Variants in WASHC4 observed in about 807,000 individuals in gnomAD.
WASHC4 encodes WASH complex subunit 4, also known as WASH complex subunit 7.
Under a neutral mutation model 166.6 loss-of-function variants are expected in WASHC4, and 86 were observed. The ratio of observed to expected loss-of-function variants is 0.52; its 90% confidence interval spans 0.43 to 0.62. WASHC4 has a LOEUF of 0.62. Among genes scored for constraint, WASHC4 ranks in the 20% least tolerant of loss-of-function variants. The pLI, the probability that WASHC4 is intolerant of heterozygous loss-of-function variation, is 0.00. For synonymous variants in WASHC4, 446 were observed against 451.6 expected (o/e 0.99, Z 0.16); for missense variants, 1,262 against 1,382.4 (o/e 0.91, Z 1.38).
chr12:105,138,545 T>C (rs1196577260), intron 15 of WASHC4, among the ~76,000 whole-genome samples: 1 of 152,142 alleles, frequency 6.6e-6, no homozygotes, highest in East Asian at 1.9e-4. Flanking sequence ...TATGCAAGTA[T>C]GGTAACGTGT....
intron 30 of WASHC4, among the ~76,000 whole-genome samples, chr12:105,163,875 T>C (rs1884649820): frequency 1.4e-5 from 2 of 146,746 alleles, no homozygotes; most frequent in South Asian, 4.3e-4. Context: ...TTATTTATTT[T>C]CTTCTTAATT....
At chr12:105,125,075 C>T (rs971708641) in intron 10 of WASHC4, among the ~76,000 whole-genome samples, 5 of 152,138 alleles carry the variant, frequency 3.3e-5, no homozygotes, top group Admixed American at 6.5e-5. Context: ...AGGTTCCACT[C>T]GAAATTGCAT....
At position 105,118,838 on chromosome 12, in the gene WASHC4, A is replaced by G. The variant is rs574268557; in HGVS notation, c.518+310A>G. 2.6e-5 allele frequency among the ~76,000 whole-genome samples: 4 copies of G among 152,192 alleles called. No homozygotes were observed. The South Asian group carries it at 8.3e-4, about 32-fold the overall frequency. ...CTCTCTCTTTATTCCTTTCCTCTAC[A>G]CGAATGGTTGCCTGACTCTAATGGA... On this transcript the variant is annotated intron_variant, in intron 7 of 32. Coordinates refer to ENST00000332180, the MANE Select transcript of WASHC4 (RefSeq NM_015275.3).
chr12:105,150,640 C>T (rs991849147), intron 25 of WASHC4, among the ~76,000 whole-genome samples: 4 of 152,144 alleles, frequency 2.6e-5, no homozygotes, highest in African/African-American at 4.8e-5. Flanking sequence ...CAAAATTAGC[C>T]GGGCATGGTG....
In WASHC4 at chr12:105,112,036, A is replaced by G. The variant is rs536036770; in HGVS notation, c.201+772A>G. On this transcript the variant is annotated intron_variant, in intron 2 of 32. Transcript: ENST00000332180. The stretch of plus-strand genomic sequence containing the variant: ...CAAAAAAGAAACCATGTACCGTGTG[A>G]TAATCAACCCCCAGTTCATGCCATG... Among the ~76,000 whole-genome samples, 4 of 152,312 alleles carry G rather than the reference A, an allele frequency of 2.6e-5. No individual in the cohort carries two copies. In the East Asian group the frequency reaches 5.8e-4, roughly 22 times the overall value.
rs779489861 is a variant in WASHC4 at position 105,152,332 on chromosome 12, T to G, written c.2650-11T>G. On this transcript the variant is annotated splice_polypyrimidine_tract_variant and intron_variant, in intron 25 of 32. Transcript: ENST00000332180. ...TCTTTATTAAAAGTAGCCTTAAAATTTTCTGTCTAGTATCCTTTTGATAGA... is the reference window on the plus strand; with the variant it reads ...TCTTTATTAAAAGTAGCCTTAAAATGTTCTGTCTAGTATCCTTTTGATAGA... 1.1e-5 allele frequency: 16 copies of G among 1,407,444 alleles called. No homozygotes were observed. Among genetic ancestry groups the G allele is most frequent in the Non-Finnish European group, 1.5e-5 (15 of 992,660 alleles). The allele number at this position is 1,407,444 out of a possible 1,614,324, so 87.2% of individuals were successfully genotyped here. A position where few individuals can be genotyped will look rare whatever the true frequency, so the allele number is the denominator to read the frequency against.
rs1882078259 is a variant in WASHC4 at position 105,133,867 on chromosome 12, C to CT, written c.1298dup (p.Thr434HisfsTer3). 2 of 1,611,874 alleles carry CT rather than the reference C, an allele frequency of 1.2e-6. No individual in the cohort carries two copies. Among genetic ancestry groups the CT allele is most frequent in the Non-Finnish European group, 1.7e-6 (2 of 1,178,554 alleles). On this transcript the variant is annotated frameshift_variant, in exon 14 of 33. Coordinates refer to ENST00000332180, the MANE Select transcript of WASHC4 (RefSeq NM_015275.3). LOFTEE classifies it high-confidence loss of function. ...GAGAATGGATAAATTTGCTGAAGATCTCACCAATAGATGTAATGTTTTTAT... is the reference window on the plus strand; with the variant it reads ...GAGAATGGATAAATTTGCTGAAGATCTTCACCAATAGATGTAATGTTTTTAT...
chr12:105,110,599 CATT>C (rs1312551539), intron 1 of WASHC4, among the ~76,000 whole-genome samples: 1 of 152,114 alleles, frequency 6.6e-6, no homozygotes, highest in African/African-American at 2.4e-5. Flanking sequence ...AAATTTTAGA[CATT>C]ATAGAAATAA....
chr12:105,164,795 G>A (rs1884711539), intron 32 of WASHC4, 55 bp downstream of exon 32: 1 of 1,156,690 alleles, frequency 8.6e-7, no homozygotes, highest in Non-Finnish European at 1.3e-6. Flanking sequence ...GTAATAGACA[G>A]TAATGCACCA....
chr12:105,133,635 T>C, intron 13 of WASHC4, 135 bp from the exon 14 acceptor site: 1 of 695,272 alleles, frequency 1.4e-6, no homozygotes, highest in East Asian at 2.9e-5. Context: ...AAATTATATA[T>C]GTCTATGTAA....
intron 13 of WASHC4, among the ~76,000 whole-genome samples, chr12:105,129,084 T>C (rs772939470): frequency 7.2e-5 from 11 of 152,086 alleles, no homozygotes; most frequent in Admixed American, 3.9e-4. Context: ...TAGCTGGGAT[T>C]ACAGGCACCC....
Position 105,156,743 on chromosome 12 carries a change from G to A in WASHC4, c.2776G>A (p.Val926Ile). The A allele has an allele frequency of 6.2e-7, 1 of 1,611,960 alleles. No individual in the cohort carries two copies. Among genetic ancestry groups the A allele is most frequent in the Non-Finnish European group, 8.5e-7 (1 of 1,178,520 alleles). Residue 926 changes from valine to isoleucine, a missense_variant, in exon 27 of 33, where the codon GTA (valine) becomes ATA (isoleucine). Physicochemically the swap from Val to Ile is conservative, Grantham distance 29. Transcript: ENST00000332180. ...TTTTTAAGGTAATGCTATGGGCTATGTACGAATGATAAGATCTGGTGGTCT... is the reference window on the plus strand; with the variant it reads ...TTTTTAAGGTAATGCTATGGGCTATATACGAATGATAAGATCTGGTGGTCT... ...ISQIGNAMGY[V>I]RMIRSGGLHC... is the part of the protein sequence containing the mutation.
intron 15 of WASHC4, 132 bp downstream of exon 15, chr12:105,138,143 A>G (rs529352493): frequency 4.0e-5 from 32 of 804,742 alleles, no homozygotes; most frequent in African/African-American, 5.2e-5. Context: ...TTCTCTCTCA[A>G]TTGAATAAAG....
Position 105,140,372 on chromosome 12 carries a change from C to G in WASHC4, c.1531C>G (p.Gln511Glu). The stretch of plus-strand genomic sequence containing the variant: ...ACATATAACACAGCACCTTCAACAT[C>G]AGGCTCTTCATTCTATTTCTGTGGC... ...VSHITQHLQH[Q>E]ALHSISVAKK... Residue 511 changes from glutamine (Q) to glutamate (E), a missense_variant, in exon 16 of 33, where the codon CAG becomes GAG. By Grantham distance (29) the Gln-to-Glu change is conservative (BLOSUM62 2). Transcript: ENST00000332180. The G allele has an allele frequency of 6.2e-7, 1 of 1,613,324 alleles. No individual in the cohort carries two copies. Among genetic ancestry groups the G allele is most frequent in the Admixed American group, 1.7e-5 (1 of 60,022 alleles).
chr12:105,127,077 G>C (rs1016323497), intron 12 of WASHC4, 52 bp from the exon 13 acceptor site: 2 of 1,502,688 alleles, frequency 1.3e-6, no homozygotes, highest in African/African-American at 2.8e-5. Flanking sequence ...TAAACAGCTT[G>C]TTGTTTAGCC....
chr12:105,164,025 C>T (rs1050870257), intron 30 of WASHC4, 86 bp from the exon 31 acceptor site: 144 of 1,159,192 alleles, frequency 1.2e-4, no homozygotes, highest in Middle Eastern at 2.0e-4. Context: ...ACTCAGAATG[C>T]TTAGTGTTGG....
intron 26 of WASHC4, among the ~76,000 whole-genome samples, chr12:105,154,294 G>C (rs1310587909): frequency 6.6e-6 from 1 of 152,174 alleles, no homozygotes; most frequent in Non-Finnish European, 1.5e-5. Context: ...GTCCCAAAGT[G>C]CTGGGATTAC....
intron 29 of WASHC4, 27 bp downstream of exon 29, chr12:105,160,175 A>G: frequency 6.4e-7 from 1 of 1,561,154 alleles, no homozygotes; most frequent in Non-Finnish European, 8.8e-7. Flanking sequence ...CCTAAAATGA[A>G]TTTTTTTTTT....
chr12:105,110,828 T>A (rs1446788964), intron 1 of WASHC4, among the ~76,000 whole-genome samples: 1 of 152,182 alleles, frequency 6.6e-6, no homozygotes, highest in Non-Finnish European at 1.5e-5. Context: ...CTTTTCAGAT[T>A]GGTTCAAAGC....
Sources: allele counts gnomAD v4.1 joint callset (sites outside exome capture counted in the v4.1 genomes callset), GRCh38; gene constraint gnomAD v4.1.1; transcripts MANE v1.5; gene names NCBI Gene and HGNC (gene_info 2026-07-23, HGNC 2026-07-21).